The following WASHC4 variants were observed in gnomAD, a reference collection of about 807,000 sequenced individuals.
The protein encoded by WASHC4 is WASH complex subunit 7.
A neutral mutation model predicts 166.6 loss-of-function variants in WASHC4; 86 were observed. The ratio of observed to expected loss-of-function variants is 0.52; its 90% CI spans 0.43 to 0.62. The LOEUF is 0.62. Among genes scored for constraint, WASHC4 ranks in the 20% least tolerant of loss-of-function variants. The probability of loss-of-function intolerance (pLI) is 0.00; values close to 1 mark genes in which losing one functional copy is unlikely to be tolerated. For synonymous variants in WASHC4, 446 were observed against 451.6 expected, an observed-to-expected ratio of 0.99 and a Z score of 0.16; for missense variants, 1,262 against 1,382.4, an observed-to-expected ratio of 0.91 and a Z score of 1.38.
intron 14 of WASHC4, among the ~76,000 whole-genome samples, chr12:105,135,033 T>G (rs1321543739): frequency 6.6e-6 from 1 of 152,094 alleles, no homozygotes; most frequent in African/African-American, 2.4e-5. Context: ...TTAGCTCTAA[T>G]GTATGTTAGT....
rs984348486 is a variant in WASHC4, at chr12:105,145,004, C to T, written c.2334+132C>T. On this transcript the variant is annotated intron_variant, in intron 22 of 32. Coordinates refer to ENST00000332180, the MANE Select transcript of WASHC4 (RefSeq NM_015275.3). ...TAAGAAATTATTTGCCATATAAAAT[C>T]TTATACTTGACAACAGTAAAAAATT... The T allele has an allele frequency of 1.2e-5, 11 of 915,846 alleles. No individual in the cohort carries two copies. In the African/African-American group the frequency reaches 1.9e-4, roughly 16 times the overall value. The allele number at this position is 915,846 out of a possible 1,614,324, so 56.7% of individuals were successfully genotyped here.
Position 105,121,165 on chromosome 12 carries a change from A to AT in WASHC4, c.627dup (p.His210SerfsTer36). 6.2e-7 allele frequency: 1 copy of AT among 1,610,384 alleles called. No homozygotes were observed. Among genetic ancestry groups the AT allele is most frequent in the Non-Finnish European group, 8.5e-7 (1 of 1,177,070 alleles). On this transcript the variant is annotated frameshift_variant, in exon 9 of 33. Transcript: ENST00000332180. LOFTEE classifies it high-confidence loss of function. ...CTCACCCTGGATGAAATTATTGATAATCATATCACACTGAAAGACCACTGG... is the reference window on the plus strand; with the variant it reads ...CTCACCCTGGATGAAATTATTGATAATTCATATCACACTGAAAGACCACTGG...
chr12:105,133,823 C>T lies in WASHC4; in HGVS notation c.1253C>T (p.Ser418Phe). 1.2e-6 allele frequency: 2 copies of T among 1,611,642 alleles called. No homozygotes were observed. Among genetic ancestry groups the T allele is most frequent in the South Asian group, 1.1e-5 (1 of 91,026 alleles). ...FVSSWMMKME[S>F]ILSKEQRMDK... ...AGCTCATGGATGATGAAAATGGAAT[C>T]TATTTTGTCTAAAGAGCAGAGAATG... Residue 418 changes from serine (S) to phenylalanine (F), a missense_variant, in exon 14 of 33, where the codon TCT becomes TTT. Physicochemically the swap from Ser to Phe is radical, Grantham distance 155. Coordinates refer to ENST00000332180, the MANE Select transcript of WASHC4 (RefSeq NM_015275.3).
chr12:105,122,344 TTAA>T, intron 10 of WASHC4, 106 bp downstream of exon 10: 1 of 1,234,906 alleles, frequency 8.1e-7, no homozygotes, highest in East Asian at 2.5e-5. Context: ...ATAATTTTCT[TTAA>T]AAAGTGCTTT....
In WASHC4 at chr12:105,133,764, T is replaced by A. The variant is rs1255712472; in HGVS notation, c.1200-6T>A. 1 of 1,611,646 alleles carries A rather than the reference T, an allele frequency of 6.2e-7. No individual in the cohort carries two copies. Among genetic ancestry groups the A allele is most frequent in the African/African-American group, 1.3e-5 (1 of 74,968 alleles). On this transcript the variant is annotated splice_region_variant and splice_polypyrimidine_tract_variant and intron_variant, in intron 13 of 32. Coordinates refer to ENST00000332180, the MANE Select transcript of WASHC4 (RefSeq NM_015275.3). ...GCTGAGTAACCCCAATATTTTCCTT[T>A]GTTAGAGATGTACAGTCTTACTACG...
At chr12:105,148,103 A>G in intron 24 of WASHC4, 1 of 985,284 alleles carries the variant, frequency 1.0e-6, no homozygotes, top group South Asian at 4.7e-5. Flanking sequence ...TGGAGTAGGG[A>G]ATTGGGAGAA....
rs1196872 is a variant in WASHC4 at position 105,168,260 on chromosome 12, T to C, written c.*1329T>C. On this transcript the variant is annotated 3_prime_UTR_variant, in exon 33 of 33. Transcript: ENST00000332180. ...GCCAGCCCAAGATAAATACTTTAATTGTTAAAAGTCAGAAGAGACAGAATA... is the reference window on the plus strand; with the variant it reads ...GCCAGCCCAAGATAAATACTTTAATCGTTAAAAGTCAGAAGAGACAGAATA... The C allele has an allele frequency of 0.86, 131,615 of 152,464 alleles. 57,019 individuals carry two copies. Among genetic ancestry groups the C allele is most frequent in the East Asian group, 0.98 (5,054 of 5,180 alleles). The allele number at this position is 152,464 out of a possible 1,614,324, so 9.4% of individuals were successfully genotyped here.
At chr12:105,146,163 A>G (rs1362925842) in intron 22 of WASHC4, among the ~76,000 whole-genome samples, 1 of 151,958 alleles carries the variant, frequency 6.6e-6, no homozygotes, top group Non-Finnish European at 1.5e-5. Context: ...TGTTGAAGAG[A>G]CAAATATTCT....
At chr12:105,139,425 G>GTGTGTGTGTGTATATATATA in intron 15 of WASHC4, among the ~76,000 whole-genome samples, 7 of 103,224 alleles carry the variant, frequency 6.8e-5, no homozygotes, top group East Asian at 2.8e-4. Context: ...ATGTGTGTGT[G>GTGTGTGTGTGTATATATATA]TATATATATA....
chr12:105,137,361 G>GA (rs1882417948), intron 14 of WASHC4, among the ~76,000 whole-genome samples: 1 of 152,178 alleles, frequency 6.6e-6, no homozygotes, highest in Non-Finnish European at 1.5e-5. Flanking sequence ...GGACTGTGGG[G>GA]ATTGGTCTAG....
At chr12:105,151,775 C>T (rs1276967777) in intron 25 of WASHC4, among the ~76,000 whole-genome samples, 1 of 152,204 alleles carries the variant, frequency 6.6e-6, no homozygotes, top group Non-Finnish European at 1.5e-5. Context: ...CCACTGTGCC[C>T]AGCCCAGCTC....
At chr12:105,118,678 A>G in intron 7 of WASHC4, 150 bp downstream of exon 7, 3 of 678,594 alleles carry the variant, frequency 4.4e-6, no homozygotes, top group East Asian at 2.7e-5. Flanking sequence ...TATCATACGT[A>G]GGTTAGTAAG....
At chr12:105,115,962 A>G (rs1205798122) in intron 6 of WASHC4, among the ~76,000 whole-genome samples, 4 of 152,160 alleles carry the variant, frequency 2.6e-5, no homozygotes, top group Non-Finnish European at 4.4e-5. Flanking sequence ...TTTATGGACA[A>G]CTTGTCACCA....
rs773745755 is a variant in WASHC4 at position 105,126,228 on chromosome 12, TTG to T, written c.911-5_911-4del. The T allele has an allele frequency of 1.7e-5, 27 of 1,612,578 alleles. 1 individual carries two copies. The South Asian group carries it at 2.7e-4, about 16-fold the overall frequency. ...TTCTGCTTTCTCTTATGTTATTGAT[TTG>T]TAAGGAGAACCTTCTGAAATTGACC... On this transcript the variant is annotated splice_region_variant and splice_polypyrimidine_tract_variant and intron_variant, in intron 11 of 32. Transcript: ENST00000332180.
In WASHC4 at chr12:105,147,295, G is replaced by T. The variant is rs928380116; in HGVS notation, c.2514+149G>T. ...TTTTTTTCTGGTTAGTAATTAAAAT[G>T]TCTGGTCCTAAAATTGTGTTGGATG... On this transcript the variant is annotated intron_variant, in intron 24 of 32. Transcript: ENST00000332180. 2.3e-5 allele frequency: 15 copies of T among 650,750 alleles called. No homozygotes were observed. The African/African-American group carries it at 2.5e-4, about 11-fold the overall frequency. The allele number at this position is 650,750 out of a possible 1,614,324, so 40.3% of individuals were successfully genotyped here.
rs189763254 is a variant in WASHC4, at chr12:105,115,534, T to C, written c.368-127T>C. 7.1e-6 allele frequency: 5 copies of C among 704,244 alleles called. No individual in the cohort carries two copies. In the African/African-American group the frequency reaches 7.2e-5, roughly 10 times the overall value. 43.6% of individuals were successfully genotyped at this position (704,244 alleles called of 1,614,324 possible). On this transcript the variant is annotated intron_variant, in intron 5 of 32. Transcript: ENST00000332180. Reference sequence around the variant, plus strand: ...TGATTTTTCTCTTTGGTGTAAAAATTCTGTTTTCAATACTATGCAGAGTAA... The same window carrying C: ...TGATTTTTCTCTTTGGTGTAAAAATCCTGTTTTCAATACTATGCAGAGTAA...
intron 1 of WASHC4, among the ~76,000 whole-genome samples, chr12:105,108,159 CG>C (rs1416544619): frequency 6.6e-6 from 1 of 152,140 alleles, no homozygotes; most frequent in African/African-American, 2.4e-5. Flanking sequence ...GGGGCTTGGG[CG>C]GGGCGCGCCC....
chr12:105,157,398 A>G, intron 28 of WASHC4, 76 bp downstream of exon 28: 1 of 795,086 alleles, frequency 1.3e-6, no homozygotes. Context: ...GGTAATATGT[A>G]ATTTTTATGC....
chr12:105,122,039 G>C lies in WASHC4; in HGVS notation c.666-79G>C, dbSNP rs1247589877. ...ACAAGAAATATAAATATAAAATTTTGACTTCCAGGAAAATTTTTAATTTTT... is the reference window on the plus strand; with the variant it reads ...ACAAGAAATATAAATATAAAATTTTCACTTCCAGGAAAATTTTTAATTTTT... On this transcript the variant is annotated intron_variant, in intron 9 of 32. Transcript: ENST00000332180. 22 of 1,009,358 alleles carry C rather than the reference G, an allele frequency of 2.2e-5. No homozygotes were observed. The East Asian group carries it at 5.8e-4, about 27-fold the overall frequency. The allele number at this position is 1,009,358 out of a possible 1,614,324, so 62.5% of individuals were successfully genotyped here.
Sources: gnomAD v4.1 joint callset for allele counts (sites outside exome capture counted in the v4.1 genomes callset) on GRCh38, gnomAD v4.1.1 for gene constraint, MANE v1.5 for transcripts, NCBI Gene and HGNC (gene_info 2026-07-23, HGNC 2026-07-21) for gene names.